The following LMLN variants were observed in gnomAD, a reference collection of about 807,000 sequenced individuals.
LMLN encodes leishmanolysin-like peptidase.
Under a neutral mutation model 92.3 loss-of-function variants are expected in LMLN, and 70 were observed. The ratio of observed to expected loss-of-function variants is 0.76; its 90% CI spans 0.63 to 0.92. The LOEUF is 0.92. Among genes scored for constraint, LMLN ranks in the 40% least tolerant of loss-of-function variants. LMLN has a pLI of 0.00. For synonymous variants in LMLN, 308 were observed against 296.2 expected (o/e 1.04, Z -0.41); for missense variants, 691 against 814.6 (o/e 0.85, Z 1.85).
chr3:198,032,112 A>G (rs1723093844), intron 14 of LMLN, among the ~76,000 whole-genome samples: 2 of 151,850 alleles, frequency 1.3e-5, no homozygotes, highest in South Asian at 2.1e-4. Flanking sequence ...AAAAAAAAAA[A>G]AAAAAGAAAA....
chr3:197,988,318 T>G (rs981230628), intron 8 of LMLN, among the ~76,000 whole-genome samples: 12 of 151,924 alleles, frequency 7.9e-5, no homozygotes, highest in Non-Finnish European at 8.8e-5. Flanking sequence ...CTCAAAAGAT[T>G]ATAAAAATAT....
At chr3:197,988,897 G>C (rs1273523989) in intron 8 of LMLN, among the ~76,000 whole-genome samples, 6 of 151,978 alleles carry the variant, frequency 3.9e-5, no homozygotes, top group Admixed American at 3.9e-4. Context: ...TGCCAGGTTT[G>C]GTCTCATACT....
chr3:197,962,041 C>G (rs986500832), intron 1 of LMLN, among the ~76,000 whole-genome samples: 6 of 152,164 alleles, frequency 3.9e-5, no homozygotes, highest in Non-Finnish European at 7.3e-5. Context: ...TGAAATGCCA[C>G]AAATGTATCC....
intron 12 of LMLN, among the ~76,000 whole-genome samples, chr3:198,020,767 T>TTTG (rs1560152824): frequency 1.5e-4 from 16 of 103,668 alleles, no homozygotes; most frequent in African/African-American, 6.7e-4. Context: ...CTAATTTTTG[T>TTTG]ATTTTTTTTT....
At chr3:197,999,376 T>C (rs758829126) in intron 11 of LMLN, 34 bp downstream of exon 11, 1 of 1,441,342 alleles carries the variant, frequency 6.9e-7, no homozygotes, top group Non-Finnish European at 9.8e-7. Context: ...TATGAATTGC[T>C]TATGAAAATG....
intron 15 of LMLN, among the ~76,000 whole-genome samples, chr3:198,036,836 T>TATGAACA: frequency 6.6e-6 from 1 of 152,360 alleles, no homozygotes; most frequent in Non-Finnish European, 1.5e-5. Context: ...CATTTCAGAT[T>TATGAACA]ATGAACAATA....
At chr3:197,985,959 C>T (rs1721694728) in intron 8 of LMLN, 69 bp downstream of exon 8, 1 of 944,878 alleles carries the variant, frequency 1.1e-6, no homozygotes, top group Non-Finnish European at 1.7e-6. Flanking sequence ...CTGAGAATCA[C>T]AGTATATTAG....
intron 15 of LMLN, 113 bp from the exon 17 acceptor site, chr3:198,038,454 G>A (rs1723296107): frequency 5.1e-6 from 4 of 778,642 alleles, no homozygotes; most frequent in Non-Finnish European, 8.7e-6. Flanking sequence ...TAGCTCTCAA[G>A]GTGGTCCTTG....
At chr3:197,981,148 C>A (rs1019113445) in intron 6 of LMLN, among the ~76,000 whole-genome samples, 1 of 151,794 alleles carries the variant, frequency 6.6e-6, no homozygotes, top group Non-Finnish European at 1.5e-5. Flanking sequence ...TGGCTCACAC[C>A]TGTAATCCCA....
At chr3:197,968,815 C>T (rs58086127) in intron 1 of LMLN, among the ~76,000 whole-genome samples, 3,378 of 152,292 alleles carry the variant, frequency 0.022, 208 homozygotes, top group East Asian at 0.15. Context: ...GTAGAATTCA[C>T]TAATTAAGCC....
At chr3:197,983,545 A>G (rs956662893) in intron 6 of LMLN, among the ~76,000 whole-genome samples, 2 of 152,154 alleles carry the variant, frequency 1.3e-5, no homozygotes, top group African/African-American at 4.8e-5. Flanking sequence ...TGAACCACTC[A>G]TTTATTGCCC....
chr3:198,022,392 C>T (rs764932000), intron 13 of LMLN, among the ~76,000 whole-genome samples: 37 of 152,336 alleles, frequency 2.4e-4, no homozygotes, highest in Non-Finnish European at 4.9e-4. Flanking sequence ...GTTTTTCTCT[C>T]TGTGTTCATC....
chr3:197,993,091 T>C (rs996047290), intron 9 of LMLN, among the ~76,000 whole-genome samples: 6 of 152,110 alleles, frequency 3.9e-5, no homozygotes, highest in Non-Finnish European at 8.8e-5. Flanking sequence ...CATCTTTTTA[T>C]GATAAAAAAC....
chr3:198,006,795 C>A (rs961016035), intron 11 of LMLN, among the ~76,000 whole-genome samples: 1 of 152,070 alleles, frequency 6.6e-6, no homozygotes, highest in Non-Finnish European at 1.5e-5. Flanking sequence ...TCACTGTAAC[C>A]TCTGCCTCCC....
chr3:198,030,969 A>C (rs1264065416), intron 14 of LMLN, among the ~76,000 whole-genome samples: 1 of 143,054 alleles, frequency 7.0e-6, no homozygotes. Flanking sequence ...CTCTGCCCTC[A>C]GGGTCCTCAG....
At chr3:198,035,988 C>G (rs1351434051) in exon 15 of LMLN, 77 of 1,613,928 alleles carry the variant, frequency 4.8e-5, no homozygotes, top group Non-Finnish European at 6.4e-5. Context: ...TCTGTGAGCT[C>G]TGTCCTCCAG....
chr3:197,978,319 C>T (rs1429175157), intron 5 of LMLN, among the ~76,000 whole-genome samples: 1 of 152,182 alleles, frequency 6.6e-6, no homozygotes, highest in Middle Eastern at 3.4e-3. Context: ...TCTTATTGAA[C>T]ATCTATTACT....
In LMLN at chr3:198,025,173, C is replaced by T. The variant is rs1037453685; in HGVS notation, c.1656+385C>T. 6.6e-6 allele frequency among the ~76,000 whole-genome samples: 1 copy of T among 152,102 alleles called. No individual in the cohort carries two copies. The highest frequency in any genetic ancestry group is 1.5e-5 in the Non-Finnish European group (1 of 68,022). ...AAATCAGGCTGGACGTGGTGGCTCACGCCTGTAATCCCAGCACTTTGGGAG... is the reference window on the plus strand; with the variant it reads ...AAATCAGGCTGGACGTGGTGGCTCATGCCTGTAATCCCAGCACTTTGGGAG... On this transcript the variant is annotated intron_variant, in intron 14 of 15. Coordinates refer to ENST00000330198, the Ensembl canonical transcript of LMLN. The surrounding 1 kb of genome is among the most constrained non-coding windows in gnomAD (Gnocchi z 4.3).
chr3:198,009,774 T>C (rs1381159250), intron 11 of LMLN, among the ~76,000 whole-genome samples: 1 of 152,218 alleles, frequency 6.6e-6, no homozygotes, highest in African/African-American at 2.4e-5. Flanking sequence ...GGGTTTTTTG[T>C]AGTATTCCAT....
Sources: gnomAD v4.1 joint callset for allele counts (sites outside exome capture counted in the v4.1 genomes callset) on GRCh38, gnomAD v4.1.1 for gene constraint, Gnocchi (gnomAD v3.1) non-coding constraint, MANE v1.5 for transcripts, NCBI Gene and HGNC (gene_info 2026-07-23, HGNC 2026-07-21) for gene names.